The following CFAP96 variants were observed in gnomAD, a reference collection of about 807,000 sequenced individuals.
CFAP96 encodes the protein cilia-and flagella-associated protein 96.
At chr4:185,443,771 T>G in the CFAP96 span, among the ~76,000 whole-genome samples, 1 of 152,072 alleles carries the variant, frequency 6.6e-6, no homozygotes, top group Admixed American at 6.5e-5. Context: ...TTATTTAACT[T>G]ATGTATTTCT....
At chr4:185,419,267 G>C in the CFAP96 span, among the ~76,000 whole-genome samples, 1 of 152,272 alleles carries the variant, frequency 6.6e-6, no homozygotes, top group Non-Finnish European at 1.5e-5. Context: ...GAGTAGCTGG[G>C]ACTACAGGTG....
the CFAP96 span, among the ~76,000 whole-genome samples, chr4:185,430,491 A>C: frequency 1.3e-5 from 2 of 152,360 alleles, no homozygotes; most frequent in African/African-American, 2.4e-5. Context: ...TTTGGGAAAC[A>C]AAATGATTAT....
the CFAP96 span, chr4:185,408,545 G>C: frequency 1.7e-6 from 2 of 1,148,938 alleles, no homozygotes; most frequent in East Asian, 5.0e-5. Flanking sequence ...TGTTACTTTA[G>C]TTCCTTATAA....
the CFAP96 span, among the ~76,000 whole-genome samples, chr4:185,412,026 G>A: frequency 1.9e-3 from 296 of 152,304 alleles, no homozygotes; most frequent in African/African-American, 6.8e-3. Context: ...GAACTGTGTC[G>A]AGGAGGCAGA....
At chr4:185,418,778 A>T in the CFAP96 span, 1 of 1,577,346 alleles carries the variant, frequency 6.3e-7, no homozygotes, top group African/African-American at 1.4e-5. Flanking sequence ...TTTCTAAATT[A>T]AAAGAATATA....
the CFAP96 span, among the ~76,000 whole-genome samples, chr4:185,438,041 T>C: frequency 6.6e-6 from 1 of 152,052 alleles, no homozygotes; most frequent in Non-Finnish European, 1.5e-5. Flanking sequence ...AGCAGTTTGA[T>C]TATGATGTGA....
the CFAP96 span, chr4:185,435,926 T>A: frequency 4.2e-6 from 3 of 706,430 alleles, no homozygotes; most frequent in African/African-American, 3.7e-5. Flanking sequence ...AAAATGAAAT[T>A]AGATTAAAAC....
the CFAP96 span, among the ~76,000 whole-genome samples, chr4:185,431,262 G>A: frequency 3.2e-4 from 49 of 151,318 alleles, no homozygotes; most frequent in Non-Finnish European, 6.9e-4. Flanking sequence ...TTAGTAGCCA[G>A]GTGAATTAAG....
chr4:185,429,921 T>C, the CFAP96 span, among the ~76,000 whole-genome samples: 1 of 152,100 alleles, frequency 6.6e-6, no homozygotes, highest in East Asian at 1.9e-4. Flanking sequence ...CCCTCCCCAC[T>C]CAGCGTGCCG....
At chr4:185,435,403 GTAACT>G in the CFAP96 span, among the ~76,000 whole-genome samples, 1 of 152,072 alleles carries the variant, frequency 6.6e-6, no homozygotes, top group Admixed American at 6.5e-5. Flanking sequence ...TACTTCAATG[GTAACT>G]TAAGAATTAG....
the CFAP96 span, chr4:185,415,374 T>C: frequency 1.3e-6 from 2 of 1,518,782 alleles, no homozygotes; most frequent in South Asian, 1.3e-5. Context: ...ATAAGTGTAT[T>C]AACAAAAGTT....
At chr4:185,410,945 C>CAAAAAAAAAA in the CFAP96 span, among the ~76,000 whole-genome samples, 3 of 113,916 alleles carry the variant, frequency 2.6e-5, no homozygotes, top group East Asian at 2.4e-4. Flanking sequence ...GACTCCATCT[C>CAAAAAAAAAA]AAAAAAAAAA....
chr4:185,447,284 C>T, the CFAP96 span, among the ~76,000 whole-genome samples: 4 of 151,970 alleles, frequency 2.6e-5, no homozygotes, highest in Non-Finnish European at 5.9e-5. Flanking sequence ...CGGGTTCACG[C>T]CATTCTCCTG....
At chr4:185,431,949 C>A in the CFAP96 span, 1 of 1,484,256 alleles carries the variant, frequency 6.7e-7, no homozygotes, top group South Asian at 1.3e-5. Flanking sequence ...CTAGTCAGCT[C>A]AAAATTATAA....
chr4:185,445,018 C>G, the CFAP96 span: 1 of 1,551,392 alleles, frequency 6.4e-7, no homozygotes. Context: ...TTCTGCTGAC[C>G]CTTATGTGGC....
chr4:185,448,287 C>T, the CFAP96 span, among the ~76,000 whole-genome samples: 3 of 151,464 alleles, frequency 2.0e-5, no homozygotes, highest in African/African-American at 7.2e-5. Context: ...TCCCAAAGTG[C>T]TGGGATTAAG....
the CFAP96 span, among the ~76,000 whole-genome samples, chr4:185,438,898 C>T: frequency 7.2e-5 from 11 of 152,204 alleles, no homozygotes; most frequent in African/African-American, 2.7e-4. Context: ...CCACAATTCC[C>T]AGCTCTGTGT....
chr4:185,418,407 T>A, the CFAP96 span: 1 of 1,505,788 alleles, frequency 6.6e-7, no homozygotes, highest in Non-Finnish European at 9.1e-7. Context: ...GATTTAACAT[T>A]TTTATCAGTA....
the CFAP96 span, chr4:185,415,640 G>T: frequency 1.5e-6 from 2 of 1,333,126 alleles, no homozygotes; most frequent in Non-Finnish European, 2.1e-6. Context: ...TATACCTACA[G>T]GATATACAAA....
Sources: allele counts gnomAD v4.1 joint callset (sites outside exome capture counted in the v4.1 genomes callset), GRCh38; gene constraint gnomAD v4.1.1; transcripts MANE v1.5; gene names NCBI Gene and HGNC (gene_info 2026-07-23, HGNC 2026-07-21).